The following ELAVL2 variants were observed in gnomAD, a reference collection of about 807,000 sequenced individuals.
ELAVL2 encodes ELAV-like protein 2.
Under a neutral mutation model 34.6 loss-of-function variants are expected in ELAVL2, and 4 were observed. That is an observed-to-expected ratio of 0.12 (90% confidence interval 0.06 to 0.26). The LOEUF is 0.26. ELAVL2 is among the 10% of genes least tolerant of loss of function. ELAVL2 has a pLI of 1.00. For synonymous variants in ELAVL2, 193 were observed against 154.8 expected, an observed-to-expected ratio of 1.25 and a Z score of -1.83; for missense variants, 432 against 442.8, an observed-to-expected ratio of 0.98 and a Z score of 0.22.
At chr9:23,744,063 C>T (rs2049926363) in intron 2 of ELAVL2, among the ~76,000 whole-genome samples, 1 of 152,156 alleles carries the variant, frequency 6.6e-6, no homozygotes, top group East Asian at 1.9e-4. Context: ...ACAAAGGGGT[C>T]CCTAAGGAAA....
At chr9:23,830,947 GAC>G (rs2065481599), upstream of ELAVL2, among the ~76,000 whole-genome samples, 1 of 152,110 alleles carries the variant, frequency 6.6e-6, no homozygotes, top group African/African-American at 2.4e-5. Context: ...GCAAATCAGA[GAC>G]TTATGTCCGT....
At chr9:23,806,027 C>A (rs375928287) in intron 1 of ELAVL2, among the ~76,000 whole-genome samples, 31 of 152,066 alleles carry the variant, frequency 2.0e-4, no homozygotes, top group East Asian at 1.7e-3. Context: ...ACCATAAATT[C>A]TTAATTATTC....
At chr9:23,801,312 CAGGT>C (rs1251469966) in intron 1 of ELAVL2, among the ~76,000 whole-genome samples, 2 of 152,094 alleles carry the variant, frequency 1.3e-5, no homozygotes, top group East Asian at 3.9e-4. Context: ...GAAATTTTCT[CAGGT>C]AGAAGATTTT....
At chr9:23,757,146 G>A (rs1000060893) in intron 2 of ELAVL2, among the ~76,000 whole-genome samples, 2 of 152,118 alleles carry the variant, frequency 1.3e-5, no homozygotes, top group African/African-American at 4.8e-5. Flanking sequence ...TGTTTCTAGA[G>A]AAGCACAGAT....
chr9:23,774,823 AG>A (rs2057937076), intron 1 of ELAVL2, among the ~76,000 whole-genome samples: 1 of 152,084 alleles, frequency 6.6e-6, no homozygotes, highest in Non-Finnish European at 1.5e-5. Flanking sequence ...TACAATACAG[AG>A]AAAACAAGAG....
intron 5 of ELAVL2, among the ~76,000 whole-genome samples, chr9:23,694,530 G>C (rs35532150): frequency 6.6e-6 from 1 of 151,698 alleles, no homozygotes; most frequent in Non-Finnish European, 1.5e-5. Flanking sequence ...TCCCAGGGTT[G>C]TCCCTCTGGG....
chr9:23,705,307 T>G (rs1024555179), intron 3 of ELAVL2, among the ~76,000 whole-genome samples: 17 of 152,324 alleles, frequency 1.1e-4, no homozygotes, highest in African/African-American at 3.8e-4. Flanking sequence ...TATGCTGGAC[T>G]AGCCTACTGC....
chr9:23,758,430 G>A (rs142445627), intron 2 of ELAVL2, among the ~76,000 whole-genome samples: 2 of 152,206 alleles, frequency 1.3e-5, no homozygotes, highest in East Asian at 3.9e-4. Flanking sequence ...TAAGTTAAAT[G>A]AGTGAGATCC....
chr9:23,756,403 G>T (rs1268332142), intron 2 of ELAVL2, among the ~76,000 whole-genome samples: 1 of 152,194 alleles, frequency 6.6e-6, no homozygotes, highest in East Asian at 1.9e-4. Flanking sequence ...GATGAGGTCA[G>T]TACAAGACCT....
At chr9:23,708,697 C>T (rs979028580) in intron 3 of ELAVL2, among the ~76,000 whole-genome samples, 1 of 152,200 alleles carries the variant, frequency 6.6e-6, no homozygotes, top group African/African-American at 2.4e-5. Context: ...GGCTGGAGTG[C>T]AGTGGGTGAT....
chr9:23,700,489 T>C (rs1193218523), intron 5 of ELAVL2, among the ~76,000 whole-genome samples: 1 of 152,194 alleles, frequency 6.6e-6, no homozygotes, highest in Admixed American at 6.6e-5. Flanking sequence ...TAGAGTGTCT[T>C]CTTTGGGCTA....
intron 2 of ELAVL2, among the ~76,000 whole-genome samples, chr9:23,742,586 A>T (rs142272473): frequency 6.8e-4 from 103 of 152,358 alleles, no homozygotes; most frequent in African/African-American, 2.2e-3. Context: ...ATCATAAAGT[A>T]TCTGCTATAG....
At chr9:23,763,373 C>A (rs2055496231) in intron 1 of ELAVL2, among the ~76,000 whole-genome samples, 4 of 152,166 alleles carry the variant, frequency 2.6e-5, no homozygotes, top group African/African-American at 4.8e-5. Flanking sequence ...CCACTAACTA[C>A]CTATCTTTGG....
intron 2 of ELAVL2, among the ~76,000 whole-genome samples, chr9:23,736,875 G>T (rs887900251): frequency 6.6e-6 from 1 of 151,834 alleles, no homozygotes; most frequent in Non-Finnish European, 1.5e-5. Context: ...TTCTACTTTC[G>T]CTCATCTTCC....
chr9:23,819,786 A>G (rs771861048), intron 1 of ELAVL2, among the ~76,000 whole-genome samples: 7 of 152,234 alleles, frequency 4.6e-5, no homozygotes, highest in African/African-American at 7.2e-5. Context: ...CAGAAAATTT[A>G]ATGTAACATG....
At chr9:23,796,934 A>C (rs1309917659) in intron 1 of ELAVL2, among the ~76,000 whole-genome samples, 1 of 152,182 alleles carries the variant, frequency 6.6e-6, no homozygotes, top group Non-Finnish European at 1.5e-5. Flanking sequence ...GTAAGGATGC[A>C]TTTGAGAGAT....
intron 1 of ELAVL2, among the ~76,000 whole-genome samples, chr9:23,797,071 T>C (rs1172390602): frequency 6.6e-6 from 1 of 152,160 alleles, no homozygotes; most frequent in East Asian, 1.9e-4. Context: ...ACCTGACCTT[T>C]ATGCTTCAAT....
At chr9:23,754,618 C>T (rs2053081439) in intron 2 of ELAVL2, among the ~76,000 whole-genome samples, 2 of 152,080 alleles carry the variant, frequency 1.3e-5, no homozygotes, top group Admixed American at 1.3e-4. Context: ...AGCACCACCA[C>T]ACCTGGCTAA....
intron 3 of ELAVL2, among the ~76,000 whole-genome samples, chr9:23,716,386 T>G (rs1021594336): frequency 6.6e-6 from 1 of 152,186 alleles, no homozygotes; most frequent in Non-Finnish European, 1.5e-5. Context: ...CCTTTACATA[T>G]CCTTCATCCG....
Sources: allele counts gnomAD v4.1 joint callset (sites outside exome capture counted in the v4.1 genomes callset), GRCh38; gene constraint gnomAD v4.1.1; transcripts MANE v1.5; gene names NCBI Gene and HGNC (gene_info 2026-07-23, HGNC 2026-07-21).